Variants in ALPK2 observed in about 807,000 individuals in gnomAD.
ALPK2 encodes the protein alpha kinase 2.
ALPK2 carries 127 observed loss-of-function variants against 163.1 expected under a neutral mutation model. The observed-to-expected ratio is 0.78, with a 90% CI of 0.67 to 0.90. The LOEUF is 0.90. Among genes scored for constraint, ALPK2 ranks in the 40% least tolerant of loss-of-function variants. ALPK2 has a pLI of 0.00. For synonymous variants in ALPK2, 953 were observed against 959.1 expected (o/e 0.99, Z 0.12); for missense variants, 2,360 against 2,589.6 (o/e 0.91, Z 1.92).
At chr18:58,573,266 A>ATATATGTATATATGTGTGTG (rs1197357765) in intron 4 of ALPK2, among the ~76,000 whole-genome samples, 1 of 33,398 alleles carries the variant, frequency 3.0e-5, no homozygotes, top group Non-Finnish European at 6.5e-5. Flanking sequence ...ATATATGTGT[A>ATATATGTATATATGTGTGTG]TATATATGTA....
At chr18:58,498,149 G>C in intron 11 of ALPK2, 52 bp from the exon 12 acceptor site, 1 of 1,581,986 alleles carries the variant, frequency 6.3e-7, no homozygotes. Context: ...GGGCCCCTCA[G>C]GAAGTTGGGC....
rs55647142 is a variant in ALPK2, at chr18:58,517,065, C to T, written c.5783G>A (p.Gly1928Glu). 1,652 of 1,614,234 alleles carry T rather than the reference C, an allele frequency of 1.0e-3. 2 individuals carry two copies. Among genetic ancestry groups the T allele is most frequent in the Non-Finnish European group, 1.3e-3 (1,569 of 1,180,040 alleles). ...IATEELHFGE[G>E]VHRKAFRSTV... is the part of the protein sequence containing the mutation. ...GCTGCGGAAGGCTTTGCGGTGAACCCCTTCTCCAAAGTGCAGCTCCTCCGT... is the reference window on the plus strand; with the variant it reads ...GCTGCGGAAGGCTTTGCGGTGAACCTCTTCTCCAAAGTGCAGCTCCTCCGT... The change falls in exon 9 of 13, where the codon GGG (glycine) becomes GAG (glutamate). Residue 1928 changes from glycine (G) to glutamate (E), a missense_variant. Transcript: ENST00000361673.
chr18:58,532,754 G>C (rs2051622700), intron 5 of ALPK2, among the ~76,000 whole-genome samples: 1 of 152,144 alleles, frequency 6.6e-6, no homozygotes, highest in Admixed American at 6.5e-5. Context: ...AAATTGCTTT[G>C]CATTTTTATA....
chr18:58,614,480 T>A (rs1428315695), intron 1 of ALPK2, among the ~76,000 whole-genome samples: 1 of 152,244 alleles, frequency 6.6e-6, no homozygotes, highest in Admixed American at 6.5e-5. Context: ...CCTCTCAGCA[T>A]AATGGCAAAT....
chr18:58,539,383 C>T (rs1016534059), intron 4 of ALPK2, among the ~76,000 whole-genome samples: 1 of 152,092 alleles, frequency 6.6e-6, no homozygotes, highest in Admixed American at 6.5e-5. Flanking sequence ...GAAAAAGAAA[C>T]CTCACATTCT....
At chr18:58,619,822 A>G (rs1202040495) in intron 1 of ALPK2, among the ~76,000 whole-genome samples, 2 of 152,250 alleles carry the variant, frequency 1.3e-5, no homozygotes, top group Non-Finnish European at 2.9e-5. Context: ...ATGAAAATGT[A>G]TATTCACACA....
chr18:58,599,031 T>G (rs1052554722), intron 3 of ALPK2, among the ~76,000 whole-genome samples: 1 of 152,184 alleles, frequency 6.6e-6, no homozygotes, highest in Non-Finnish European at 1.5e-5. Flanking sequence ...GGAGGGGCTC[T>G]TGGATCAACC....
In ALPK2 at chr18:58,537,551, C is replaced by A. The variant is rs2051659205; in HGVS notation, c.2636G>T (p.Ser879Ile). Reference sequence around the variant, plus strand: ...GGACATGACTGAGTTGCCGTCCTTGCTGCTTTTGCACGTAGACACTGAAGT... The same window carrying A: ...GGACATGACTGAGTTGCCGTCCTTGATGCTTTTGCACGTAGACACTGAAGT... ...SETSVSTCKS[S>I]KDGNSVMSPL... is the part of the protein sequence containing the mutation. The change falls in exon 5 of 13, where the codon AGC (serine) becomes ATC (isoleucine). Residue 879 changes from serine to isoleucine, a missense_variant. Physicochemically the swap from Ser to Ile is moderately radical, Grantham distance 142. Coordinates refer to ENST00000361673, the MANE Select transcript of ALPK2 (RefSeq NM_052947.4). The A allele has an allele frequency of 6.2e-7, 1 of 1,614,010 alleles. No homozygotes were observed. The highest frequency in any genetic ancestry group is 2.2e-5 in the East Asian group (1 of 44,868).
chr18:58,580,305 A>T lies in ALPK2; in HGVS notation c.471T>A (p.Thr157=). ...AGGGGGAGGAGTCAGCTGACCTGGG[A>T]GTGCCCGGGGAGATGCTTTCTTCTT... ...YKEEESISPG[T]PRSADSSPSK... The change falls in exon 4 of 13, where the codon ACT becomes ACA. Residue 157 remains threonine (T), a synonymous_variant. Coordinates refer to ENST00000361673, the MANE Select transcript of ALPK2 (RefSeq NM_052947.4). The T allele has an allele frequency of 6.2e-7, 1 of 1,614,104 alleles. No homozygotes were observed.
chr18:58,590,836 G>A (rs9959883), intron 3 of ALPK2, among the ~76,000 whole-genome samples: 1 of 152,232 alleles, frequency 6.6e-6, no homozygotes, highest in South Asian at 2.1e-4. Flanking sequence ...GAGCCGAAAC[G>A]GACCTCAGAG....
chr18:58,616,612 A>T (rs2052170028), intron 1 of ALPK2, among the ~76,000 whole-genome samples: 1 of 152,174 alleles, frequency 6.6e-6, no homozygotes, highest in Non-Finnish European at 1.5e-5. Flanking sequence ...GGAGGCTGAC[A>T]GGAGGTGAAG....
chr18:58,590,627 C>T (rs2052010399), intron 3 of ALPK2, among the ~76,000 whole-genome samples: 2 of 152,166 alleles, frequency 1.3e-5, no homozygotes, highest in Admixed American at 1.3e-4. Flanking sequence ...ATTTTTATAA[C>T]TGAAGGAATA....
At chr18:58,516,442 C>T (rs2051521968) in intron 9 of ALPK2, among the ~76,000 whole-genome samples, 1 of 152,162 alleles carries the variant, frequency 6.6e-6, no homozygotes. Context: ...AGGCAGAAAA[C>T]AAGACCAATG....
At chr18:58,514,926 A>T in intron 10 of ALPK2, 67 bp downstream of exon 10, 2 of 1,256,718 alleles carry the variant, frequency 1.6e-6, no homozygotes, top group East Asian at 2.4e-5. Context: ...GTTCCTTCTC[A>T]CTCTCTCGTC....
intron 4 of ALPK2, among the ~76,000 whole-genome samples, chr18:58,539,532 TG>T (rs1335328193): frequency 3.3e-5 from 5 of 152,232 alleles, no homozygotes; most frequent in African/African-American, 1.2e-4. Context: ...AGAAAACTTA[TG>T]TCCAGCCAAG....
chr18:58,603,082 G>T (rs567944126), intron 3 of ALPK2, among the ~76,000 whole-genome samples: 23 of 152,276 alleles, frequency 1.5e-4, no homozygotes, highest in Non-Finnish European at 2.9e-4. Flanking sequence ...CAATAAATAA[G>T]TATACTCAGG....
chr18:58,483,529 C>CTCTATTTA (rs1555659480), intron 12 of ALPK2, among the ~76,000 whole-genome samples: 1 of 142,778 alleles, frequency 7.0e-6, no homozygotes, highest in South Asian at 2.4e-4. Context: ...GTCCTACTCA[C>CTCTATTTA]TTTATTTATT....
intron 1 of ALPK2, among the ~76,000 whole-genome samples, chr18:58,626,032 T>C (rs1309624806): frequency 6.6e-6 from 1 of 152,246 alleles, no homozygotes; most frequent in Non-Finnish European, 1.5e-5. Flanking sequence ...CCCAAGTTGC[T>C]TTACATGTTT....
At chr18:58,517,600 G>A (rs1380177836) in intron 8 of ALPK2, among the ~76,000 whole-genome samples, 2 of 147,422 alleles carry the variant, frequency 1.4e-5, no homozygotes, top group African/African-American at 2.5e-5. Flanking sequence ...CCCACCCCCC[G>A]CAACCACGGA....
Sources: allele counts gnomAD v4.1 joint callset (sites outside exome capture counted in the v4.1 genomes callset), GRCh38; gene constraint gnomAD v4.1.1; transcripts MANE v1.5; gene names NCBI Gene and HGNC (gene_info 2026-07-23, HGNC 2026-07-21).